The following DPYSL3 variants were observed in gnomAD, a reference collection of about 807,000 sequenced individuals.
The protein encoded by DPYSL3 is dihydropyrimidinase like 3.
Under a neutral mutation model 66.1 loss-of-function variants are expected in DPYSL3, and 16 were observed. The ratio of observed to expected loss-of-function variants is 0.24; its 90% confidence interval spans 0.16 to 0.37. The LOEUF is 0.37. DPYSL3 is among the 10% of genes least tolerant of loss of function. The pLI, the probability that DPYSL3 is intolerant of heterozygous loss-of-function variation, is 1.00. For synonymous variants in DPYSL3, 338 were observed against 345.1 expected (o/e 0.98, Z 0.23); for missense variants, 738 against 916.2 (o/e 0.81, Z 2.51).
intron 1 of DPYSL3, among the ~76,000 whole-genome samples, chr5:147,490,139 C>T (rs1388765135): frequency 1.3e-5 from 2 of 152,120 alleles, no homozygotes; most frequent in East Asian, 3.9e-4. Context: ...AGGCTGCACT[C>T]CTCTTTCTTA....
intron 1 of DPYSL3, among the ~76,000 whole-genome samples, chr5:147,497,178 C>T (rs1428733401): frequency 3.4e-5 from 5 of 146,002 alleles, no homozygotes; most frequent in African/African-American, 1.0e-4. Flanking sequence ...CATGTTCTCA[C>T]TCATAGGTGG....
chr5:147,457,677 G>A (rs1752873893), intron 1 of DPYSL3, among the ~76,000 whole-genome samples: 1 of 152,202 alleles, frequency 6.6e-6, no homozygotes, highest in Non-Finnish European at 1.5e-5. Flanking sequence ...TGGTACCTGG[G>A]CACTGATTAG....
At chr5:147,466,259 G>A (rs2126417297) in intron 1 of DPYSL3, among the ~76,000 whole-genome samples, 1 of 152,222 alleles carries the variant, frequency 6.6e-6, no homozygotes, top group South Asian at 2.1e-4. Context: ...CTGGTTTATG[G>A]TCATCTGAAT....
At chr5:147,490,514 A>C (rs73264243) in intron 1 of DPYSL3, among the ~76,000 whole-genome samples, 19,445 of 152,238 alleles carry the variant, frequency 0.13, 1,311 homozygotes, top group Middle Eastern at 0.22. Flanking sequence ...TGCTCTGTGA[A>C]GATGCCACAA....
intron 1 of DPYSL3, among the ~76,000 whole-genome samples, chr5:147,502,230 A>T (rs970082031): frequency 6.6e-6 from 1 of 152,030 alleles, no homozygotes; most frequent in Non-Finnish European, 1.5e-5. Flanking sequence ...TCATGACCAA[A>T]TCAGTATCAT....
intron 1 of DPYSL3, among the ~76,000 whole-genome samples, chr5:147,477,251 T>A (rs1753167333): frequency 6.6e-6 from 1 of 152,118 alleles, no homozygotes; most frequent in African/African-American, 2.4e-5. Context: ...AAACACTCAA[T>A]GAGTGGTTTA....
intron 1 of DPYSL3, among the ~76,000 whole-genome samples, chr5:147,488,052 C>T (rs992517403): frequency 2.0e-5 from 3 of 152,140 alleles, no homozygotes; most frequent in Non-Finnish European, 2.9e-5. Flanking sequence ...ACTTAATATC[C>T]GTTTATCACA....
intron 1 of DPYSL3, among the ~76,000 whole-genome samples, chr5:147,490,176 A>G (rs1753394394): frequency 1.3e-5 from 2 of 152,050 alleles, no homozygotes; most frequent in South Asian, 4.2e-4. Context: ...GGCTCTCCTG[A>G]TTTTGCACAC....
chr5:147,457,673 C>T (rs1009953506), intron 1 of DPYSL3, among the ~76,000 whole-genome samples: 1 of 152,176 alleles, frequency 6.6e-6, no homozygotes, highest in Non-Finnish European at 1.5e-5. Flanking sequence ...GAATTGGTAC[C>T]TGGGCACTGA....
chr5:147,436,657 TA>T (rs1248515386), intron 1 of DPYSL3, among the ~76,000 whole-genome samples: 2 of 152,146 alleles, frequency 1.3e-5, no homozygotes, highest in African/African-American at 4.8e-5. Flanking sequence ...AAGAAAATTA[TA>T]AAAAAGTAAA....
At chr5:147,430,616 A>G (rs1752297151) in intron 1 of DPYSL3, among the ~76,000 whole-genome samples, 1 of 152,144 alleles carries the variant, frequency 6.6e-6, no homozygotes, top group African/African-American at 2.4e-5. Flanking sequence ...TGGAAGATGT[A>G]ATAAATGCTA....
chr5:147,419,319 A>G (rs1302321197), intron 2 of DPYSL3, among the ~76,000 whole-genome samples: 2 of 152,140 alleles, frequency 1.3e-5, no homozygotes, highest in Non-Finnish European at 2.9e-5. Flanking sequence ...AGTGATTATG[A>G]GAACCGCCAC....
intron 7 of DPYSL3, chr5:147,406,229 A>G (rs1370415585): frequency 6.6e-6 from 1 of 152,512 alleles, no homozygotes. Flanking sequence ...AATAATTCCC[A>G]GGTTTCTCAA....
At chr5:147,506,718 CT>C (rs1753688932) in intron 1 of DPYSL3, among the ~76,000 whole-genome samples, 1 of 152,082 alleles carries the variant, frequency 6.6e-6, no homozygotes, top group Admixed American at 6.6e-5. Context: ...CTGAATACTA[CT>C]GTGCAAAGTA....
At chr5:147,418,837 GAT>G (rs1316196387) in intron 2 of DPYSL3, among the ~76,000 whole-genome samples, 1 of 152,174 alleles carries the variant, frequency 6.6e-6, no homozygotes, top group Admixed American at 6.5e-5. Flanking sequence ...AGAATGATCT[GAT>G]ATGCCATTCG....
chr5:147,423,135 C>A (rs889492763), intron 2 of DPYSL3, among the ~76,000 whole-genome samples: 15 of 152,048 alleles, frequency 9.9e-5, no homozygotes, highest in Non-Finnish European at 1.5e-5. Flanking sequence ...ATAGAGCCAA[C>A]TATATATAAT....
intron 11 of DPYSL3, 69 bp from the exon 12 acceptor site, chr5:147,397,914 A>C (rs1419711556): frequency 1.4e-6 from 2 of 1,420,590 alleles, no homozygotes; most frequent in Non-Finnish European, 1.9e-6. Flanking sequence ...TCTCTCCTTG[A>C]GACCTTCAGT....
intron 8 of DPYSL3, among the ~76,000 whole-genome samples, chr5:147,402,612 G>T (rs1758225024): frequency 7.4e-6 from 1 of 135,686 alleles, no homozygotes; most frequent in African/African-American, 3.8e-5. Context: ...CTCCCAAAGT[G>T]CTGGGATTAC....
chr5:147,436,519 G>A (rs1478755656), intron 1 of DPYSL3, among the ~76,000 whole-genome samples: 1 of 152,158 alleles, frequency 6.6e-6, no homozygotes, highest in East Asian at 1.9e-4. Context: ...TGTTGTAGAA[G>A]GAAAGGATGC....
Sources: allele counts gnomAD v4.1 joint callset (sites outside exome capture counted in the v4.1 genomes callset), GRCh38; gene constraint gnomAD v4.1.1; transcripts MANE v1.5; gene names NCBI Gene and HGNC (gene_info 2026-07-23, HGNC 2026-07-21).